The following ERCC6 variants were observed in gnomAD, a reference collection of about 807,000 sequenced individuals.
The protein encoded by ERCC6 is ERCC excision repair 6, chromatin remodeling factor.
Under a neutral mutation model 158.7 loss-of-function variants are expected in ERCC6, and 116 were observed. The observed-to-expected ratio is 0.73, with a 90% CI of 0.63 to 0.85. The LOEUF is 0.85. Ranked by LOEUF, ERCC6 falls within the 40% of genes least tolerant of loss-of-function variation. The probability of loss-of-function intolerance (pLI) is 0.00; values close to 1 mark genes in which losing one functional copy is unlikely to be tolerated. For missense variants in ERCC6, 1,698 were observed against 1,799.4 expected (o/e 0.94, Z 1.02); for synonymous variants, 678 against 659.3 (o/e 1.03, Z -0.43).
At chr10:49,487,567 CCACCTTTAGCACCT>C (rs1851098399) in intron 8 of ERCC6, among the ~76,000 whole-genome samples, 1 of 145,224 alleles carries the variant, frequency 6.9e-6, no homozygotes, top group Non-Finnish European at 1.5e-5. Flanking sequence ...GAAAAACCAT[CCACCTTTAGCACCT>C]CACCTGGTCA....
intron 18 of ERCC6, among the ~76,000 whole-genome samples, chr10:49,463,333 C>T (rs953015877): frequency 5.3e-5 from 8 of 152,152 alleles, no homozygotes; most frequent in African/African-American, 1.7e-4. Flanking sequence ...CCACATCTGG[C>T]ATCATGTCAG....
intron 10 of ERCC6, among the ~76,000 whole-genome samples, chr10:49,479,264 T>C (rs1230491168): frequency 6.6e-6 from 1 of 152,174 alleles, no homozygotes; most frequent in Non-Finnish European, 1.5e-5. Context: ...AACCAAAGTT[T>C]AAATTTAAGA....
At chr10:49,468,294 C>T (rs951020903) in intron 18 of ERCC6, among the ~76,000 whole-genome samples, 3 of 152,216 alleles carry the variant, frequency 2.0e-5, no homozygotes, top group African/African-American at 7.2e-5. Flanking sequence ...CCACCCTGGC[C>T]TCCCCTGATG....
At chr10:49,505,789 A>C in intron 6 of ERCC6, 95 bp downstream of exon 6, 35 of 1,395,562 alleles carry the variant, frequency 2.5e-5, no homozygotes, top group Non-Finnish European at 3.2e-5. Context: ...AAGTACCTTC[A>C]GGGCCCACAG....
In ERCC6 at chr10:49,476,326, A is replaced by C. The variant is rs2132544394; in HGVS notation, c.2287-16T>G. The C allele has an allele frequency of 6.4e-7, 1 of 1,561,968 alleles. No individual in the cohort carries two copies. The highest frequency in any genetic ancestry group is 8.8e-7 in the Non-Finnish European group (1 of 1,134,006). ...AAAATAAGACCTACGGACGGGAAAA[A>C]CAAGGAAACTATAATTTCAAAAAAA... On this transcript the variant is annotated splice_polypyrimidine_tract_variant and intron_variant, in intron 11 of 20. Coordinates refer to ENST00000355832, the MANE Select transcript of ERCC6 (RefSeq NM_000124.4).
At chr10:49,439,459 G>A in the ERCC6 span, among the ~76,000 whole-genome samples, 739 of 152,310 alleles carry the variant, frequency 4.9e-3, 4 homozygotes, top group African/African-American at 0.017. Context: ...ACAGCTGGGG[G>A]ACCCTGGGCC....
chr10:49,474,418 C>G (rs1031130428), intron 12 of ERCC6, among the ~76,000 whole-genome samples, 176 bp from the exon 13 acceptor site: 3 of 152,180 alleles, frequency 2.0e-5, no homozygotes, highest in African/African-American at 7.2e-5. Context: ...TTTCACTCAT[C>G]TTGTTTCCCT....
At chr10:49,485,074 G>A (rs1366996959) in intron 8 of ERCC6, among the ~76,000 whole-genome samples, 3 of 152,214 alleles carry the variant, frequency 2.0e-5, no homozygotes, top group South Asian at 2.1e-4. Context: ...GTGGAGTGGT[G>A]CAGTCGTGGA....
At chr10:49,487,370 C>A (rs1196363351) in intron 8 of ERCC6, among the ~76,000 whole-genome samples, 2 of 152,152 alleles carry the variant, frequency 1.3e-5, no homozygotes, top group Non-Finnish European at 2.9e-5. Flanking sequence ...TCGACACCTG[C>A]ACAATACCAT....
chr10:49,453,914 T>C (rs1271404473), downstream of ERCC6, among the ~76,000 whole-genome samples: 5 of 152,344 alleles, frequency 3.3e-5, no homozygotes, highest in African/African-American at 1.2e-4. Context: ...ATCTTTGATT[T>C]CAGCATTTTT....
intron 4 of ERCC6, among the ~76,000 whole-genome samples, chr10:49,527,664 G>A (rs554939504): frequency 2.0e-5 from 3 of 152,318 alleles, no homozygotes; most frequent in Admixed American, 6.5e-5. Context: ...CAACAAGAAC[G>A]AAACTCTGTT....
At chr10:49,515,809 G>A (rs377759740) in intron 5 of ERCC6, 19 of 1,613,950 alleles carry the variant, frequency 1.2e-5, no homozygotes, top group Middle Eastern at 1.6e-4. Flanking sequence ...TGGGAGTAAC[G>A]ACTGACAAGA....
At chr10:49,443,820 G>A in the ERCC6 span, among the ~76,000 whole-genome samples, 1 of 152,216 alleles carries the variant, frequency 6.6e-6, no homozygotes, top group Non-Finnish European at 1.5e-5. Flanking sequence ...GTGTGTAGTA[G>A]CTGTACCACT....
chr10:49,523,724 G>A (rs1837232963), intron 5 of ERCC6, among the ~76,000 whole-genome samples: 2 of 152,008 alleles, frequency 1.3e-5, no homozygotes, highest in African/African-American at 4.8e-5. Flanking sequence ...GTGACTGTCG[G>A]TATAAAGGCG....
the ERCC6 span, among the ~76,000 whole-genome samples, chr10:49,444,199 G>A: frequency 3.9e-4 from 60 of 152,272 alleles, no homozygotes; most frequent in African/African-American, 1.4e-3. Flanking sequence ...CTTCGACAAA[G>A]AGGCCTTGCC....
Position 49,530,763 on chromosome 10 carries a change from A to C in ERCC6, c.500T>G (p.Ile167Ser). The C allele has an allele frequency of 1.2e-6, 2 of 1,613,794 alleles. No homozygotes were observed. Among genetic ancestry groups the C allele is most frequent in the Non-Finnish European group, 1.7e-6 (2 of 1,179,882 alleles). The change falls in exon 3 of 21, where the codon ATC becomes AGC. Residue 167 changes from isoleucine to serine, a missense_variant. By Grantham distance (142) the Ile-to-Ser change is moderately radical. Transcript: ENST00000355832. ...TTTTACAGAATCTAGTTTCCTGTTG[A>C]TGTCTCTGCTGGTGGCAGCTTGAGG... Reference protein sequence around the residue: ...LSPQAATSRDINRKLDSVKRQ... With the variant: ...LSPQAATSRDSNRKLDSVKRQ...
downstream of ERCC6, among the ~76,000 whole-genome samples, chr10:49,449,498 G>A (rs1474205582): frequency 1.4e-5 from 2 of 144,446 alleles, no homozygotes; most frequent in African/African-American, 5.1e-5. Context: ...CCAAGCCCAA[G>A]TTCATGAAGA....
At chr10:49,515,959 C>T (rs1161248934) in intron 5 of ERCC6, 1 of 1,614,014 alleles carries the variant, frequency 6.2e-7, no homozygotes, top group Non-Finnish European at 8.5e-7. Context: ...ACATCTGATT[C>T]CAGTGGAACT....
the ERCC6 span, among the ~76,000 whole-genome samples, chr10:49,441,311 C>T: frequency 6.6e-6 from 1 of 152,156 alleles, no homozygotes; most frequent in Non-Finnish European, 1.5e-5. Context: ...TAGTGCTTGC[C>T]ACAACCATAT....
Sources: allele counts gnomAD v4.1 joint callset (sites outside exome capture counted in the v4.1 genomes callset), GRCh38; gene constraint gnomAD v4.1.1; transcripts MANE v1.5; gene names NCBI Gene and HGNC (gene_info 2026-07-23, HGNC 2026-07-21).